Variants in PTPRG observed in about 807,000 individuals in gnomAD.
PTPRG encodes receptor-type tyrosine-protein phosphatase gamma.
A neutral mutation model predicts 165.3 loss-of-function variants in PTPRG; 102 were observed. That is an observed-to-expected ratio of 0.62 (90% CI 0.53 to 0.73). The LOEUF is 0.73. PTPRG is among the 30% of genes least tolerant of loss of function. The pLI is 0.00. For synonymous variants in PTPRG, 675 were observed against 669.5 expected (o/e 1.01, Z -0.13); for missense variants, 1,866 against 1,861.4 (o/e 1.00, Z -0.05).
chr3:61,867,937 G>A (rs1013811253), intron 2 of PTPRG, among the ~76,000 whole-genome samples: 1 of 152,152 alleles, frequency 6.6e-6, no homozygotes, highest in African/African-American at 2.4e-5. Context: ...TGAGACCTTG[G>A]TCTGCTTACC....
At chr3:61,765,356 C>G (rs934160915) in intron 2 of PTPRG, among the ~76,000 whole-genome samples, 1 of 152,158 alleles carries the variant, frequency 6.6e-6, no homozygotes, top group Non-Finnish European at 1.5e-5. Context: ...GATTGTGCTG[C>G]AGTAAAGAGG....
intron 2 of PTPRG, among the ~76,000 whole-genome samples, chr3:61,967,527 T>C (rs920909849): frequency 1.4e-4 from 22 of 152,278 alleles, no homozygotes; most frequent in African/African-American, 3.8e-4. Flanking sequence ...CTAAGACTTA[T>C]ATTAACTGCA....
At chr3:62,153,368 C>T (rs900921934) in intron 6 of PTPRG, among the ~76,000 whole-genome samples, 7 of 152,192 alleles carry the variant, frequency 4.6e-5, no homozygotes, top group Non-Finnish European at 1.0e-4. Context: ...TCATTATTCT[C>T]ATTTTACAGA....
intron 19 of PTPRG, among the ~76,000 whole-genome samples, chr3:62,268,213 G>A (rs1465204493): frequency 6.6e-6 from 1 of 152,040 alleles, no homozygotes; most frequent in Non-Finnish European, 1.5e-5. Context: ...TGAAAGAAGC[G>A]TGGTGTAGAC....
At chr3:62,198,399 A>T (rs1457287997) in intron 10 of PTPRG, among the ~76,000 whole-genome samples, 1 of 152,210 alleles carries the variant, frequency 6.6e-6, no homozygotes, top group Non-Finnish European at 1.5e-5. Flanking sequence ...GCCCACCCCA[A>T]AGAGTAAAAA....
intron 2 of PTPRG, among the ~76,000 whole-genome samples, chr3:61,833,187 G>A (rs2036357997): frequency 6.6e-6 from 1 of 152,044 alleles, no homozygotes; most frequent in Non-Finnish European, 1.5e-5. Context: ...AGCCTGAGGT[G>A]CAGGTAGAGT....
intron 2 of PTPRG, among the ~76,000 whole-genome samples, chr3:61,815,446 A>G (rs1233905042): frequency 3.3e-5 from 5 of 152,226 alleles, no homozygotes; most frequent in South Asian, 4.2e-4. Context: ...TTATTGTTTC[A>G]TTTTACTGTC....
chr3:62,011,505 A>G (rs115799004), intron 4 of PTPRG, among the ~76,000 whole-genome samples: 1,629 of 152,246 alleles, frequency 0.011, 23 homozygotes, highest in African/African-American at 0.037. Context: ...GGTGTTTGCT[A>G]TTCTGTGGTG....
intron 2 of PTPRG, among the ~76,000 whole-genome samples, chr3:61,874,525 T>C (rs1015007588): frequency 3.9e-5 from 6 of 152,260 alleles, no homozygotes; most frequent in Non-Finnish European, 5.9e-5. Context: ...CTTTTTTTTT[T>C]CTACACATAA....
intron 19 of PTPRG, among the ~76,000 whole-genome samples, chr3:62,268,516 AAAAT>A (rs1225920431): frequency 6.6e-6 from 1 of 152,110 alleles, no homozygotes; most frequent in Admixed American, 6.6e-5. Context: ...AACAAAAATA[AAAAT>A]AAATAAAAGA....
At position 61,889,580 on chromosome 3, in the gene PTPRG, A is replaced by G. The variant is rs146531240; in HGVS notation, c.191-100045A>G. 4.4e-3 allele frequency among the ~76,000 whole-genome samples: 664 copies of G among 152,338 alleles called. 6 individuals carry two copies. The highest frequency in any genetic ancestry group is 7.0e-3 in the Non-Finnish European group (478 of 68,034). On this transcript the variant is annotated intron_variant, in intron 2 of 29. Coordinates refer to ENST00000474889, the MANE Select transcript of PTPRG (RefSeq NM_002841.4). ...CCGTTAGTATTTTTATGTTGCCCAT[A>G]TGAAAAGCTGTTGTTATTATTTCTG...
chr3:61,845,991 G>A (rs1258768787), intron 2 of PTPRG, among the ~76,000 whole-genome samples: 2 of 152,174 alleles, frequency 1.3e-5, no homozygotes, highest in Non-Finnish European at 2.9e-5. Context: ...TTTGGGATGT[G>A]AATTTGGGTT....
chr3:61,732,010 G>A (rs1327511287), intron 1 of PTPRG, among the ~76,000 whole-genome samples: 1 of 151,710 alleles, frequency 6.6e-6, no homozygotes, highest in Non-Finnish European at 1.5e-5. Flanking sequence ...CACCATGTTG[G>A]CCAGGCTGGT....
At position 62,097,447 on chromosome 3, in the gene PTPRG, T is replaced by C. The variant is rs973377079; in HGVS notation, c.615+19189T>C. The stretch of plus-strand genomic sequence containing the variant: ...TTCACGTAAAATAAACTAACACTCA[T>C]AAGTAATGGTGCATTTTCAACATGC... On this transcript the variant is annotated intron_variant, in intron 5 of 29. Transcript: ENST00000474889. Among the ~76,000 whole-genome samples the C allele has an allele frequency of 5.9e-5, 9 of 151,836 alleles. No individual in the cohort carries two copies. In the South Asian group the frequency reaches 8.3e-4, roughly 14 times the overall value.
At chr3:62,054,501 A>G (rs1249558806) in intron 4 of PTPRG, among the ~76,000 whole-genome samples, 1 of 152,150 alleles carries the variant, frequency 6.6e-6, no homozygotes, top group Non-Finnish European at 1.5e-5. Flanking sequence ...AACGTGGGCC[A>G]GGTGATTTGA....
chr3:62,139,709 C>T (rs557555860), intron 6 of PTPRG, among the ~76,000 whole-genome samples: 2 of 152,312 alleles, frequency 1.3e-5, no homozygotes, highest in African/African-American at 2.4e-5. Context: ...AAGATCAAAA[C>T]TTTTCTAGCA....
chr3:61,778,774 G>C (rs2034459241), intron 2 of PTPRG, among the ~76,000 whole-genome samples: 1 of 152,120 alleles, frequency 6.6e-6, no homozygotes, highest in South Asian at 2.1e-4. Flanking sequence ...CAATGGTGAG[G>C]GGAAGGTCTC....
At chr3:61,917,589 C>T (rs570883248) in intron 2 of PTPRG, among the ~76,000 whole-genome samples, 4 of 152,246 alleles carry the variant, frequency 2.6e-5, no homozygotes, top group East Asian at 1.9e-4. Flanking sequence ...ATCTTGGTTA[C>T]GTGTCCTGCT....
At chr3:62,112,764 C>A (rs917621847) in intron 5 of PTPRG, among the ~76,000 whole-genome samples, 1 of 152,194 alleles carries the variant, frequency 6.6e-6, no homozygotes, top group Non-Finnish European at 1.5e-5. Context: ...GGAAACATTA[C>A]CATCTCCCTA....
Sources: gnomAD v4.1 joint callset for allele counts (sites outside exome capture counted in the v4.1 genomes callset) on GRCh38, gnomAD v4.1.1 for gene constraint, MANE v1.5 for transcripts, NCBI Gene and HGNC (gene_info 2026-07-23, HGNC 2026-07-21) for gene names.